The following MEGF10 variants were observed in gnomAD, a reference collection of about 807,000 sequenced individuals.
MEGF10 encodes the protein multiple epidermal growth factor-like domains protein 10.
Under a neutral mutation model 147.5 loss-of-function variants are expected in MEGF10, and 86 were observed. The ratio of observed to expected loss-of-function variants is 0.58; its 90% CI spans 0.49 to 0.70. The LOEUF is 0.70. MEGF10 is among the 30% of genes least tolerant of loss of function. MEGF10 has a pLI of 0.00. For missense variants in MEGF10, 1,329 were observed against 1,487.3 expected (o/e 0.89, Z 1.75); for synonymous variants, 478 against 525.5 (o/e 0.91, Z 1.24).
chr5:127,230,748 C>T, the MEGF10 span, among the ~76,000 whole-genome samples: 1 of 152,134 alleles, frequency 6.6e-6, no homozygotes, highest in Admixed American at 6.5e-5. Flanking sequence ...TTGCCAATAC[C>T]ACGTAGGTTT....
intron 19 of MEGF10, chr5:127,444,540 A>G (rs947193411): frequency 6.6e-6 from 1 of 152,228 alleles, no homozygotes; most frequent in Non-Finnish European, 1.5e-5. Context: ...TCATTTATAG[A>G]TGATAAAACT....
intron 1 of MEGF10, among the ~76,000 whole-genome samples, chr5:127,309,043 C>T (rs1760141180): frequency 6.6e-6 from 1 of 152,080 alleles, no homozygotes; most frequent in South Asian, 2.1e-4. Context: ...AGAGACCAGG[C>T]TGACACAGGA....
At chr5:127,232,587 T>C in the MEGF10 span, among the ~76,000 whole-genome samples, 1 of 152,044 alleles carries the variant, frequency 6.6e-6, no homozygotes, top group Admixed American at 6.6e-5. Context: ...ATGTTTAAGA[T>C]GTTGGGAGGA....
chr5:127,410,721 C>G (rs1764526419), intron 9 of MEGF10, 120 bp downstream of exon 9: 3 of 866,894 alleles, frequency 3.5e-6, no homozygotes, highest in Non-Finnish European at 5.4e-6. Context: ...TGCCTCTAGG[C>G]TACTCTGGGC....
At chr5:127,369,151 G>A (rs1250385964) in intron 4 of MEGF10, among the ~76,000 whole-genome samples, 4 of 152,076 alleles carry the variant, frequency 2.6e-5, no homozygotes, top group Non-Finnish European at 5.9e-5. Context: ...TATATATCCA[G>A]ATATTTTAAA....
chr5:127,280,399 T>C, the MEGF10 span, among the ~76,000 whole-genome samples: 1 of 152,174 alleles, frequency 6.6e-6, no homozygotes, highest in South Asian at 2.1e-4. Flanking sequence ...TATTAATACA[T>C]GAAGTGTGTG....
intron 4 of MEGF10, among the ~76,000 whole-genome samples, chr5:127,343,371 C>G (rs1360606746): frequency 6.6e-6 from 1 of 152,038 alleles, no homozygotes; most frequent in African/African-American, 2.4e-5. Flanking sequence ...CTCCCCACCT[C>G]TGTTTCATCC....
chr5:127,422,733 C>T lies in MEGF10; in HGVS notation c.1654C>T (p.Pro552Ser), dbSNP rs978960737. Reference protein sequence around the residue: ...CDCSHADGCHPTTGHCRCLPG... With the variant: ...CDCSHADGCHSTTGHCRCLPG... ...CTGCAGCCACGCAGATGGCTGCCAC[C>T]CTACCACGGGCCATTGCCGCTGCCT... The change falls in exon 13 of 25, where the codon CCT becomes TCT. Residue 552 changes from proline to serine, a missense_variant. Pro to Ser is a moderately conservative substitution (Grantham distance 74). Transcript: ENST00000503335. 4.3e-6 allele frequency: 7 copies of T among 1,613,990 alleles called. No individual in the cohort carries two copies. The highest frequency in any genetic ancestry group is 4.2e-6 in the Non-Finnish European group (5 of 1,180,012).
chr5:127,419,562 C>G (rs549712176), intron 11 of MEGF10, among the ~76,000 whole-genome samples: 82 of 152,260 alleles, frequency 5.4e-4, no homozygotes, highest in African/African-American at 2.0e-3. Context: ...AGCCAAGCAC[C>G]AATTTTATAT....
At chr5:127,238,029 CTATATATA>C in the MEGF10 span, among the ~76,000 whole-genome samples, 24 of 139,192 alleles carry the variant, frequency 1.7e-4, no homozygotes, top group East Asian at 1.2e-3. Flanking sequence ...AAACTTCAGA[CTATATATA>C]TATATATATA....
intron 13 of MEGF10, among the ~76,000 whole-genome samples, chr5:127,429,932 G>A (rs560699343): frequency 6.6e-6 from 1 of 152,252 alleles, no homozygotes; most frequent in East Asian, 1.9e-4. Flanking sequence ...TGGCGCTCTT[G>A]GCTCAACTCA....
At chr5:127,284,384 T>C in the MEGF10 span, among the ~76,000 whole-genome samples, 2 of 152,166 alleles carry the variant, frequency 1.3e-5, no homozygotes, top group Non-Finnish European at 2.9e-5. Context: ...TGAACACTTT[T>C]TTTTCAGTGT....
At chr5:127,426,583 T>A (rs563976017) in intron 13 of MEGF10, among the ~76,000 whole-genome samples, 2,096 of 152,140 alleles carry the variant, frequency 0.014, 29 homozygotes, top group East Asian at 0.05. Flanking sequence ...ACACACACTC[T>A]CTCTCTCTCT....
At chr5:127,422,829 C>T in intron 13 of MEGF10, 57 bp downstream of exon 13, 1 of 1,273,024 alleles carries the variant, frequency 7.9e-7, no homozygotes, top group Non-Finnish European at 1.1e-6. Flanking sequence ...ACACCTAGTG[C>T]TGTTCCTTAT....
chr5:127,362,386 T>TC (rs1561594696), intron 4 of MEGF10, among the ~76,000 whole-genome samples: 1 of 150,942 alleles, frequency 6.6e-6, no homozygotes, highest in African/African-American at 2.5e-5. Flanking sequence ...TTTTTTTTTT[T>TC]TGAGACGGAG....
At chr5:127,423,272 C>G (rs1396872519) in intron 13 of MEGF10, among the ~76,000 whole-genome samples, 2 of 152,118 alleles carry the variant, frequency 1.3e-5, no homozygotes, top group African/African-American at 4.8e-5. Flanking sequence ...CTGGTCATGA[C>G]AAATTCATAA....
At chr5:127,309,947 C>CTCTTTCCTTTCTT (rs1554088995) in intron 1 of MEGF10, among the ~76,000 whole-genome samples, 3 of 90,394 alleles carry the variant, frequency 3.3e-5, no homozygotes, top group African/African-American at 8.9e-5. Flanking sequence ...TCCTTGCCAA[C>CTCTTTCCTTTCTT]TCTTTCTTTC....
chr5:127,344,449 TGGA>T (rs890029369), intron 4 of MEGF10, among the ~76,000 whole-genome samples: 45 of 152,096 alleles, frequency 3.0e-4, no homozygotes, highest in African/African-American at 1.0e-3. Flanking sequence ...CGGTGATGAG[TGGA>T]GGAGGAGGAT....
chr5:127,457,179 CCCAGGATCCATATGA>C lies in MEGF10; in HGVS notation c.3287_3301del (p.Gln1096_Asp1100del). On this transcript the variant is annotated inframe_deletion, in exon 25 of 25. Coordinates refer to ENST00000503335, the MANE Select transcript of MEGF10 (RefSeq NM_001256545.2). Reference sequence around the variant, plus strand: ...GTATTCAGCAATAATGGGCGTCTCTCCCAGGATCCATATGACCTCCCAAAGAACAGTCACATCCCT... The same window carrying C: ...GTATTCAGCAATAATGGGCGTCTCTCCCTCCCAAAGAACAGTCACATCCCT... 4 of 1,614,102 alleles carry C rather than the reference CCCAGGATCCATATGA, an allele frequency of 2.5e-6. No homozygotes were observed. Among genetic ancestry groups the C allele is most frequent in the Non-Finnish European group, 3.4e-6 (4 of 1,179,996 alleles).
Sources: allele counts gnomAD v4.1 joint callset (sites outside exome capture counted in the v4.1 genomes callset), GRCh38; gene constraint gnomAD v4.1.1; transcripts MANE v1.5; gene names NCBI Gene and HGNC (gene_info 2026-07-23, HGNC 2026-07-21).